The following TMEM131L variants were observed in gnomAD, a reference collection of about 807,000 sequenced individuals.
TMEM131L encodes the protein transmembrane 131 like.
Under a neutral mutation model 192.2 loss-of-function variants are expected in TMEM131L, and 54 were observed. The observed-to-expected ratio is 0.28, with a 90% CI of 0.23 to 0.35. TMEM131L has a LOEUF of 0.35. TMEM131L is among the 10% of genes least tolerant of loss of function. The pLI is 1.00. For synonymous variants in TMEM131L, 701 were observed against 704.9 expected (o/e 0.99, Z 0.09); for missense variants, 1,888 against 1,972.9 (o/e 0.96, Z 0.82).
At chr4:153,531,854 G>A (rs535296119) in intron 3 of TMEM131L, among the ~76,000 whole-genome samples, 9 of 152,286 alleles carry the variant, frequency 5.9e-5, no homozygotes, top group African/African-American at 1.9e-4. Context: ...CACATGTCTG[G>A]TGTAAGCACT....
At chr4:153,626,018 G>T in intron 29 of TMEM131L, 129 bp from the exon 30 acceptor site, 1 of 588,230 alleles carries the variant, frequency 1.7e-6, no homozygotes. Flanking sequence ...TAAAAAATGT[G>T]AGAATATCAG....
chr4:153,518,279 G>C (rs1348732743), intron 3 of TMEM131L, among the ~76,000 whole-genome samples: 6 of 152,150 alleles, frequency 3.9e-5, no homozygotes, highest in Admixed American at 3.9e-4. Context: ...CTCATTTCCC[G>C]AGCACTTCTT....
intron 3 of TMEM131L, among the ~76,000 whole-genome samples, chr4:153,476,760 A>G (rs1289935459): frequency 4.6e-5 from 7 of 152,224 alleles, no homozygotes; most frequent in Admixed American, 2.0e-4. Flanking sequence ...AAATGAGTTC[A>G]TGGAGGAAAA....
At chr4:153,469,330 C>T (rs1383204831) in intron 2 of TMEM131L, among the ~76,000 whole-genome samples, 1 of 152,006 alleles carries the variant, frequency 6.6e-6, no homozygotes, top group Non-Finnish European at 1.5e-5. Context: ...CACACACACA[C>T]ACACACACAC....
intron 3 of TMEM131L, among the ~76,000 whole-genome samples, chr4:153,527,734 G>C (rs1407605276): frequency 6.6e-6 from 1 of 152,156 alleles, no homozygotes; most frequent in Non-Finnish European, 1.5e-5. Context: ...TTTCGTGTTT[G>C]AGGAAACGCA....
At chr4:153,587,653 G>T in intron 14 of TMEM131L, 89 bp from the exon 15 acceptor site, 1 of 956,958 alleles carries the variant, frequency 1.0e-6, no homozygotes, top group South Asian at 1.3e-5. Context: ...CTGAGGTGCA[G>T]ACCAATGTCT....
intron 3 of TMEM131L, among the ~76,000 whole-genome samples, chr4:153,545,993 C>G (rs1737144325): frequency 6.6e-6 from 1 of 152,140 alleles, no homozygotes; most frequent in African/African-American, 2.4e-5. Flanking sequence ...AAGGGATCTT[C>G]CACCTCAGCC....
rs74485196 is a variant in TMEM131L, at chr4:153,526,423, A to G, written c.240-23650A>G. 7.2e-5 allele frequency among the ~76,000 whole-genome samples: 11 copies of G among 151,910 alleles called. No homozygotes were observed. The East Asian group carries it at 2.1e-3, about 29-fold the overall frequency. ...TAGAGGATGCAGGGATGAAGGACGC[A>G]CTCCCTGCCCTCAGGAAGCTTGCTG... On this transcript the variant is annotated intron_variant, in intron 3 of 34. Transcript: ENST00000409959.
chr4:153,604,324 G>A lies in TMEM131L; in HGVS notation c.3312G>A (p.Glu1104=). 1 of 1,614,134 alleles carries A rather than the reference G, an allele frequency of 6.2e-7. No individual in the cohort carries two copies. Among genetic ancestry groups the A allele is most frequent in the Non-Finnish European group, 8.5e-7 (1 of 1,180,012 alleles). Residue 1104 remains glutamate (E), a synonymous_variant, in exon 25 of 35, where the codon GAG becomes GAA. Coordinates refer to ENST00000409959, the MANE Select transcript of TMEM131L (RefSeq NM_001131007.2). ...SENTAEFKER[E]LCPLKTSKKL... is the part of the protein sequence containing the mutation. ...ACACAGCCGAGTTCAAGGAACGGGA[G>A]CTCTGTCCACTGAAGACCTCCAAGA...
intron 26 of TMEM131L, among the ~76,000 whole-genome samples, chr4:153,615,665 T>G (rs1732925464): frequency 6.6e-6 from 1 of 152,218 alleles, no homozygotes; most frequent in Non-Finnish European, 1.5e-5. Context: ...TGATATGGGC[T>G]TTGGAGTCTT....
chr4:153,583,980 T>C (rs1362265270), intron 11 of TMEM131L, among the ~76,000 whole-genome samples: 2 of 152,210 alleles, frequency 1.3e-5, no homozygotes, highest in East Asian at 1.9e-4. Flanking sequence ...TGAGGGAAAA[T>C]TGGCAAATCT....
At chr4:153,609,433 A>G (rs1041085407) in intron 25 of TMEM131L, among the ~76,000 whole-genome samples, 2 of 152,172 alleles carry the variant, frequency 1.3e-5, no homozygotes, top group African/African-American at 2.4e-5. Flanking sequence ...GAGGATTACA[A>G]TTTGACATGA....
intron 3 of TMEM131L, among the ~76,000 whole-genome samples, chr4:153,514,062 C>T (rs190077320): frequency 1.1e-3 from 169 of 152,152 alleles, no homozygotes; most frequent in Non-Finnish European, 2.1e-3. Context: ...TTTGAGGTAC[C>T]AGTTTCCCTC....
intron 3 of TMEM131L, among the ~76,000 whole-genome samples, chr4:153,540,289 C>CT (rs1172610279): frequency 2.0e-5 from 3 of 152,108 alleles, no homozygotes; most frequent in Non-Finnish European, 4.4e-5. Context: ...TCTTATCAGC[C>CT]TTTCTGTGAT....
At chr4:153,593,703 C>T (rs997796766) in intron 18 of TMEM131L, 96 bp from the exon 19 acceptor site, 6 of 796,368 alleles carry the variant, frequency 7.5e-6, no homozygotes, top group Non-Finnish European at 1.3e-5. Flanking sequence ...AATGTACTCA[C>T]CTATGTATAA....
chr4:153,578,501 G>A, intron 7 of TMEM131L, among the ~76,000 whole-genome samples: 1 of 149,590 alleles, frequency 6.7e-6, no homozygotes, highest in Non-Finnish European at 1.5e-5. Context: ...GACTACAGGT[G>A]TGCGCCACTA....
intron 3 of TMEM131L, among the ~76,000 whole-genome samples, chr4:153,487,678 G>A (rs567731687): frequency 7.3e-5 from 11 of 151,502 alleles, no homozygotes; most frequent in Non-Finnish European, 1.5e-4. Flanking sequence ...CCAGGCCCCT[G>A]TGGAGCTGCA....
chr4:153,483,106 A>G (rs1353510372), intron 3 of TMEM131L, among the ~76,000 whole-genome samples: 4 of 152,188 alleles, frequency 2.6e-5, no homozygotes, highest in Non-Finnish European at 1.5e-5. Context: ...GTTAATGTCA[A>G]CTTTCCTGAA....
chr4:153,467,257 A>C lies in TMEM131L; in HGVS notation c.171A>C (p.Glu57Asp). 6.4e-7 allele frequency: 1 copy of C among 1,551,636 alleles called. No individual in the cohort carries two copies. The highest frequency in any genetic ancestry group is 2.4e-5 in the East Asian group (1 of 40,912). The change falls in exon 2 of 35, where the codon GAA (glutamate) becomes GAC (aspartate). Residue 57 changes from glutamate to aspartate, a missense_variant. Transcript: ENST00000409959. ...PNVVELWQAE[E>D]GELLLPTQGD... The stretch of plus-strand genomic sequence containing the variant: ...TGGTGGAGCTGTGGCAGGCAGAAGA[A>C]GGGGAACTCCTGCTGCCCACTCAGG...
Sources: gnomAD v4.1 joint callset for allele counts (sites outside exome capture counted in the v4.1 genomes callset) on GRCh38, gnomAD v4.1.1 for gene constraint, MANE v1.5 for transcripts, NCBI Gene and HGNC (gene_info 2026-07-23, HGNC 2026-07-21) for gene names.